The following NCKAP5 variants were observed in gnomAD, a reference collection of about 807,000 sequenced individuals.
NCKAP5 encodes the protein nck-associated protein 5.
Under a neutral mutation model 167.0 loss-of-function variants are expected in NCKAP5, and 92 were observed. The observed-to-expected ratio is 0.55, with a 90% CI of 0.47 to 0.66. NCKAP5 has a LOEUF of 0.66. NCKAP5 is among the 30% of genes least tolerant of loss of function. The probability of loss-of-function intolerance (pLI) is 0.00; values close to 1 mark genes in which losing one functional copy is unlikely to be tolerated. For missense variants in NCKAP5, 2,378 were observed against 2,315.0 expected, an observed-to-expected ratio of 1.03 and a Z score of -0.56; for synonymous variants, 891 against 877.4, an observed-to-expected ratio of 1.02 and a Z score of -0.27.
chr2:133,622,619 C>T, the NCKAP5 span, among the ~76,000 whole-genome samples: 1 of 152,004 alleles, frequency 6.6e-6, no homozygotes, highest in Non-Finnish European at 1.5e-5. Flanking sequence ...AAGACCTCTA[C>T]AAGGAAAACT....
At chr2:133,452,674 T>C (rs1354567433) in intron 3 of NCKAP5, among the ~76,000 whole-genome samples, 1 of 152,144 alleles carries the variant, frequency 6.6e-6, no homozygotes, top group East Asian at 1.9e-4. Context: ...GAAGCAGCAG[T>C]GTGAAATCAA....
intron 6 of NCKAP5, among the ~76,000 whole-genome samples, chr2:133,121,529 T>C (rs930289482): frequency 1.3e-5 from 2 of 152,196 alleles, no homozygotes; most frequent in African/African-American, 2.4e-5. Context: ...AATTATTCCT[T>C]AAGCCAGACA....
At chr2:133,421,174 T>C (rs1415688461) in intron 3 of NCKAP5, among the ~76,000 whole-genome samples, 1 of 152,112 alleles carries the variant, frequency 6.6e-6, no homozygotes, top group African/African-American at 2.4e-5. Flanking sequence ...ATTTACCCAA[T>C]ATCCTCCTTG....
Position 133,478,377 on chromosome 2 carries a change from C to T in NCKAP5, c.69+39081G>A, listed in dbSNP as rs1022819493. Among the ~76,000 whole-genome samples, 10 of 152,296 alleles carry T rather than the reference C, an allele frequency of 6.6e-5. No homozygotes were observed. The South Asian group carries it at 2.1e-3, about 32-fold the overall frequency. On this transcript the variant is annotated intron_variant, in intron 3 of 19. Transcript: ENST00000409261. The stretch of plus-strand genomic sequence containing the variant: ...ATGATCTTTGTTTTCTTTGAAACTT[C>T]TTCCAACAGGTGCAAGAGGAACCCT...
At chr2:133,672,599 A>G in the NCKAP5 span, among the ~76,000 whole-genome samples, 1 of 152,218 alleles carries the variant, frequency 6.6e-6, no homozygotes, top group South Asian at 2.1e-4. Context: ...AAAGAACCCA[A>G]TAGTAAATGT....
rs535408957 is a variant in NCKAP5 at position 132,968,705 on chromosome 2, G to A, written c.430-4836C>T. On this transcript the variant is annotated intron_variant, in intron 7 of 19. Coordinates refer to ENST00000409261, the MANE Select transcript of NCKAP5 (RefSeq NM_207363.3). Reference sequence around the variant, plus strand: ...AACTTGAGAGCTGTTTGACTAAAGTGTGACAATGGTACCCAAATTGTCAGT... The same window carrying A: ...AACTTGAGAGCTGTTTGACTAAAGTATGACAATGGTACCCAAATTGTCAGT... Among the ~76,000 whole-genome samples the A allele has an allele frequency of 1.3e-4, 20 of 152,288 alleles. No individual in the cohort carries two copies. In the South Asian group the frequency reaches 4.1e-3, roughly 32 times the overall value.
At chr2:133,647,473 G>GAAGTAAAGGA in the NCKAP5 span, among the ~76,000 whole-genome samples, 6 of 62,630 alleles carry the variant, frequency 9.6e-5, no homozygotes, top group East Asian at 1.5e-3. Context: ...AAGGGCAAGG[G>GAAGTAAAGGA]AAGGAAAGGA....
intron 3 of NCKAP5, among the ~76,000 whole-genome samples, chr2:133,314,137 A>T (rs556492266): frequency 1.1e-4 from 16 of 152,154 alleles, no homozygotes; most frequent in South Asian, 2.1e-4. Flanking sequence ...ATTACTCCCC[A>T]AAGCTATCCT....
rs547068745 is a variant in NCKAP5, at chr2:133,409,395, T to C, written c.70-106285A>G. 1.7e-3 allele frequency among the ~76,000 whole-genome samples: 265 copies of C among 152,320 alleles called. 1 individual carries two copies. Among genetic ancestry groups the C allele is most frequent in the African/African-American group, 6.0e-3 (251 of 41,568 alleles). ...CAGGATTGTACCCTTTTTGTAGGCATTGGGCAATTAAAACTCTTTGTAGCA... is the reference window on the plus strand; with the variant it reads ...CAGGATTGTACCCTTTTTGTAGGCACTGGGCAATTAAAACTCTTTGTAGCA... On this transcript the variant is annotated intron_variant, in intron 3 of 19. Coordinates refer to ENST00000409261, the MANE Select transcript of NCKAP5 (RefSeq NM_207363.3).
chr2:132,777,998 A>G (rs1006292407), intron 15 of NCKAP5, among the ~76,000 whole-genome samples: 2 of 152,076 alleles, frequency 1.3e-5, no homozygotes, highest in African/African-American at 2.4e-5. Context: ...ATTTTTGTCC[A>G]GTGATAGTTA....
chr2:132,876,260 ATTTTATTTT>A (rs1240698639), intron 9 of NCKAP5, among the ~76,000 whole-genome samples: 1 of 151,712 alleles, frequency 6.6e-6, no homozygotes, highest in Non-Finnish European at 1.5e-5. Context: ...AGGTTTTATG[ATTTTATTTT>A]TTTTATTTTG....
At chr2:133,272,077 G>C (rs949189937) in intron 4 of NCKAP5, among the ~76,000 whole-genome samples, 3 of 151,444 alleles carry the variant, frequency 2.0e-5, no homozygotes, top group Admixed American at 6.6e-5. Flanking sequence ...AGTAATTATA[G>C]GAAAATTAGA....
intron 19 of NCKAP5, among the ~76,000 whole-genome samples, chr2:132,680,021 C>G (rs1684997818): frequency 6.6e-6 from 1 of 152,090 alleles, no homozygotes; most frequent in African/African-American, 2.4e-5. Flanking sequence ...CCTGGTGAAG[C>G]TACTTTCTAG....
chr2:133,160,820 G>A (rs748736313), intron 5 of NCKAP5, among the ~76,000 whole-genome samples: 4 of 152,072 alleles, frequency 2.6e-5, no homozygotes, highest in Non-Finnish European at 4.4e-5. Context: ...AAATCTAGAT[G>A]ATAATCTATT....
rs1491404071 is a variant in NCKAP5 at position 132,935,981 on chromosome 2, T to TC, written c.579+27738_579+27739insG. Among the ~76,000 whole-genome samples the TC allele has an allele frequency of 3.7e-4, 44 of 117,964 alleles. 1 individual carries two copies. The highest frequency in any genetic ancestry group is 6.7e-4 in the Non-Finnish European group (43 of 64,078). The allele number at this position is 117,964 out of a possible 152,430, so 77.4% of individuals were successfully genotyped here. ...ACTACCTTAAATAATATTTTTTTTC[T>TC]TTTTTTTTTTTTTTCCTTGAGACAG... On this transcript the variant is annotated intron_variant, in intron 8 of 19. Coordinates refer to ENST00000409261, the MANE Select transcript of NCKAP5 (RefSeq NM_207363.3).
At chr2:133,438,164 C>T (rs912686877) in intron 3 of NCKAP5, among the ~76,000 whole-genome samples, 5 of 152,150 alleles carry the variant, frequency 3.3e-5, no homozygotes, top group African/African-American at 1.2e-4. Context: ...AAAGAAAATA[C>T]CAACCCAGGA....
In NCKAP5 at chr2:133,050,344, C is replaced by A. The variant is rs531666315; in HGVS notation, c.342-56105G>T. 2.2e-4 allele frequency among the ~76,000 whole-genome samples: 34 copies of A among 151,970 alleles called. 1 individual carries two copies. The East Asian group carries it at 5.6e-3, about 25-fold the overall frequency. ...AAAAAAAAATGGGGGAGAAAACAAC[C>A]CTGTTGGAAAAGGAATGACTAGGAA... is the stretch of plus-strand genomic sequence containing the variant. On this transcript the variant is annotated intron_variant, in intron 6 of 19. Coordinates refer to ENST00000409261, the MANE Select transcript of NCKAP5 (RefSeq NM_207363.3).
At chr2:133,524,458 T>A (rs1684709777) in intron 2 of NCKAP5, among the ~76,000 whole-genome samples, 1 of 152,182 alleles carries the variant, frequency 6.6e-6, no homozygotes, top group South Asian at 2.1e-4. Flanking sequence ...CATTGTTGAC[T>A]AAAGGTAGAA....
chr2:133,469,208 G>A (rs1260056878), intron 3 of NCKAP5, among the ~76,000 whole-genome samples: 1 of 151,768 alleles, frequency 6.6e-6, no homozygotes, highest in African/African-American at 2.4e-5. Context: ...CAGGCCTGGT[G>A]GTGACAAAAT....
Sources: gnomAD v4.1 joint callset for allele counts (sites outside exome capture counted in the v4.1 genomes callset) on GRCh38, gnomAD v4.1.1 for gene constraint, MANE v1.5 for transcripts, NCBI Gene and HGNC (gene_info 2026-07-23, HGNC 2026-07-21) for gene names.